The following SMPDL3A variants were observed in gnomAD, a reference collection of about 807,000 sequenced individuals.
SMPDL3A encodes the protein sphingomyelin phosphodiesterase acid like 3A.
In SMPDL3A, 39 loss-of-function variants were observed where a neutral mutation model predicts 38.5. That is an observed-to-expected ratio of 1.01 (90% CI 0.78 to 1.32). The LOEUF is 1.32. Ranked by LOEUF, SMPDL3A falls within the 40% of genes most tolerant of loss-of-function variation. SMPDL3A has a pLI of 0.00. For missense variants in SMPDL3A, 502 were observed against 536.2 expected (o/e 0.94, Z 0.63); for synonymous variants, 180 against 194.3 (o/e 0.93, Z 0.61).
chr6:122,796,035 AT>A, intron 2 of SMPDL3A, 145 bp downstream of exon 2: 2 of 648,066 alleles, frequency 3.1e-6, no homozygotes, highest in Non-Finnish European at 5.2e-6. Flanking sequence ...ACTAATCAAC[AT>A]TATTAGAGGT....
At chr6:122,799,812 C>G (rs954397423) in intron 3 of SMPDL3A, among the ~76,000 whole-genome samples, 1 of 152,094 alleles carries the variant, frequency 6.6e-6, no homozygotes, top group African/African-American at 2.4e-5. Flanking sequence ...TGATAAACTC[C>G]TCTCAGAAAT....
intron 1 of SMPDL3A, among the ~76,000 whole-genome samples, chr6:122,794,880 T>G (rs1781191722): frequency 6.6e-6 from 1 of 152,046 alleles, no homozygotes; most frequent in Non-Finnish European, 1.5e-5. Context: ...AAAGTAAGAG[T>G]GATATATAGT....
chr6:122,799,256 G>A (rs1169948024), intron 3 of SMPDL3A, among the ~76,000 whole-genome samples: 1 of 152,114 alleles, frequency 6.6e-6, no homozygotes, highest in Non-Finnish European at 1.5e-5. Context: ...CCGAATTTGT[G>A]GGTAGGTCAC....
intron 6 of SMPDL3A, 98 bp from the exon 7 acceptor site, chr6:122,806,135 G>T (rs1781606798): frequency 9.2e-7 from 1 of 1,088,314 alleles, no homozygotes; most frequent in African/African-American, 1.6e-5. Context: ...ATATCACTTG[G>T]TTATGTCTGT....
At chr6:122,795,466 T>G (rs1781214238) in intron 1 of SMPDL3A, among the ~76,000 whole-genome samples, 1 of 152,152 alleles carries the variant, frequency 6.6e-6, no homozygotes. Flanking sequence ...TCTGACACAC[T>G]TAAGTAGTAA....
intron 3 of SMPDL3A, among the ~76,000 whole-genome samples, chr6:122,800,049 G>C (rs1005174476): frequency 1.4e-5 from 2 of 148,022 alleles, no homozygotes; most frequent in African/African-American, 5.0e-5. Context: ...GATAAATGCA[G>C]CCTCGCCCTC....
Position 122,796,959 on chromosome 6 carries a change from T to C in SMPDL3A, c.462T>C (p.Tyr154=), listed in dbSNP as rs202075668. 1.6e-5 allele frequency: 25 copies of C among 1,611,616 alleles called. No homozygotes were observed. The highest frequency in any genetic ancestry group is 2.0e-5 in the Non-Finnish European group (23 of 1,179,360). ...TCCCTGCGCTGGGTAATCATGACTA[T>C]TGGCCACAGGTAAATTTGATAGACT... The part of the protein sequence containing the change: ...QVFPALGNHD[Y]WPQDQLPVVT... Residue 154 remains tyrosine, a synonymous_variant, in exon 3 of 8, where the codon TAT becomes TAC. Transcript: ENST00000368440.
intron 7 of SMPDL3A, among the ~76,000 whole-genome samples, chr6:122,807,091 G>T (rs907169410): frequency 2.1e-5 from 3 of 145,424 alleles, no homozygotes; most frequent in African/African-American, 7.5e-5. Flanking sequence ...TGGGGGGGGG[G>T]GGTCTCCCTA....
chr6:122,799,544 A>G lies in SMPDL3A; in HGVS notation c.472-1766A>G, dbSNP rs536870802. Among the ~76,000 whole-genome samples, 3 of 152,346 alleles carry G rather than the reference A, an allele frequency of 2.0e-5. No homozygotes were observed. The South Asian group carries it at 6.2e-4, about 32-fold the overall frequency. On this transcript the variant is annotated intron_variant, in intron 3 of 7. Transcript: ENST00000368440. ...TCCATCCCAAAGTAAATAAATGGCC[A>G]AGACTTTATGGCTTTTTATTATATG...
intron 2 of SMPDL3A, among the ~76,000 whole-genome samples, chr6:122,796,421 C>G (rs546738395): frequency 9.2e-5 from 14 of 152,202 alleles, no homozygotes; most frequent in African/African-American, 3.4e-4. Flanking sequence ...TTATTATTCC[C>G]ATTTTACAGA....
intron 2 of SMPDL3A, 110 bp from the exon 3 acceptor site, chr6:122,796,714 C>T (rs1781258258): frequency 5.4e-6 from 4 of 737,874 alleles, no homozygotes; most frequent in East Asian, 2.8e-5. Flanking sequence ...CTGTAATCTG[C>T]TGTTTTAAAA....
At chr6:122,802,195 CTTTTT>C (rs3031702) in intron 4 of SMPDL3A, among the ~76,000 whole-genome samples, 16 of 123,532 alleles carry the variant, frequency 1.3e-4, no homozygotes, top group African/African-American at 3.8e-4. Flanking sequence ...TATATCTAGT[CTTTTT>C]TTTTTTTTTT....
chr6:122,807,364 C>T (rs945353641), intron 7 of SMPDL3A, among the ~76,000 whole-genome samples: 16 of 152,070 alleles, frequency 1.1e-4, no homozygotes, highest in South Asian at 2.1e-4. Flanking sequence ...CTCGGCGTGG[C>T]GGCGGGTGCC....
At chr6:122,798,949 C>A (rs1365569008) in intron 3 of SMPDL3A, among the ~76,000 whole-genome samples, 1 of 152,136 alleles carries the variant, frequency 6.6e-6, no homozygotes, top group Non-Finnish European at 1.5e-5. Flanking sequence ...CATCTTTCCA[C>A]CTCACAGTTT....
rs996768386 is a variant in SMPDL3A, at chr6:122,804,919, T to C, written c.749T>C (p.Ile250Thr). 9 of 1,611,190 alleles carry C rather than the reference T, an allele frequency of 5.6e-6. No individual in the cohort carries two copies. The East Asian group carries it at 1.6e-4, about 28-fold the overall frequency. ...SQQNKEKVYI[I>T]AHVPVGYLPS... ...TGTTTCTTTTTCCAGGTGTATATCA[T>C]AGCACATGTTCCAGTGGGGTATCTG... The change falls in exon 6 of 8, where the codon ATA (isoleucine) becomes ACA (threonine). Residue 250 changes from isoleucine (I) to threonine (T), a missense_variant. Ile to Thr is a moderately conservative substitution (Grantham distance 89). Transcript: ENST00000368440.
At chr6:122,796,027 T>A in intron 2 of SMPDL3A, 137 bp downstream of exon 2, 1 of 660,562 alleles carries the variant, frequency 1.5e-6, no homozygotes, top group Non-Finnish European at 2.5e-6. Flanking sequence ...TAGGTCAAAC[T>A]AATCAACATT....
intron 4 of SMPDL3A, among the ~76,000 whole-genome samples, chr6:122,802,090 T>C (rs537474048): frequency 3.2e-4 from 48 of 152,346 alleles, no homozygotes; most frequent in African/African-American, 1.2e-3. Flanking sequence ...ACTATTTTGT[T>C]ATTGTTTTTG....
intron 7 of SMPDL3A, among the ~76,000 whole-genome samples, chr6:122,808,454 A>G (rs1562357474): frequency 6.6e-6 from 1 of 152,176 alleles, no homozygotes; most frequent in Non-Finnish European, 1.5e-5. Context: ...ACCATTAGTG[A>G]TGGTTACCTC....
Position 122,808,600 on chromosome 6 carries a change from TCCC to T in SMPDL3A, c.1045-490_1045-488del, listed in dbSNP as rs1781718076. ...TTTTTATTGAGCCTCCCTTCCTCCC[TCCC>T]TCCCTCCCTTCCTTCCTTCCTTCCT... On this transcript the variant is annotated intron_variant, in intron 7 of 7. Transcript: ENST00000368440. 8.8e-3 allele frequency among the ~76,000 whole-genome samples: 437 copies of T among 49,382 alleles called. 3 individuals carry two copies. The highest frequency in any genetic ancestry group is 0.028 in the Middle Eastern group (3 of 108). The allele number at this position is 49,382 out of a possible 152,430, so 32.4% of individuals were successfully genotyped here. A position where few individuals can be genotyped will look rare whatever the true frequency, so the allele number is the denominator to read the frequency against.
Sources: gnomAD v4.1 joint callset for allele counts (sites outside exome capture counted in the v4.1 genomes callset) on GRCh38, gnomAD v4.1.1 for gene constraint, MANE v1.5 for transcripts, NCBI Gene and HGNC (gene_info 2026-07-23, HGNC 2026-07-21) for gene names.